The following LUZP2 variants were observed in gnomAD, a reference collection of about 807,000 sequenced individuals.
LUZP2 encodes leucine zipper protein 2.
A neutral mutation model predicts 51.6 loss-of-function variants in LUZP2; 52 were observed. That is an observed-to-expected ratio of 1.01 (90% CI 0.81 to 1.27). The LOEUF (loss-of-function observed/expected upper bound fraction) is 1.27. LUZP2 is among the 50% of genes most tolerant of loss of function. The pLI is 0.00. For missense variants in LUZP2, 436 were observed against 395.4 expected (o/e 1.10, Z -0.87); for synonymous variants, 154 against 137.3 (o/e 1.12, Z -0.85).
intron 7 of LUZP2, among the ~76,000 whole-genome samples, chr11:24,923,436 C>A (rs1350547974): frequency 3.3e-5 from 5 of 152,044 alleles, no homozygotes; most frequent in Admixed American, 2.6e-4. Flanking sequence ...GTGTCTCACG[C>A]CTGTAATCCT....
intron 9 of LUZP2, among the ~76,000 whole-genome samples, chr11:25,029,761 A>T (rs1857592415): frequency 6.7e-6 from 1 of 148,624 alleles, no homozygotes; most frequent in Non-Finnish European, 1.5e-5. Context: ...AAGTATAATT[A>T]TTTCAAGAAG....
chr11:24,558,647 T>A (rs1357790420), intron 1 of LUZP2, among the ~76,000 whole-genome samples: 1 of 152,184 alleles, frequency 6.6e-6, no homozygotes, highest in Non-Finnish European at 1.5e-5. Flanking sequence ...AGTTCAATAG[T>A]ACTAGGAGGT....
chr11:25,012,983 A>G (rs1164168119), intron 9 of LUZP2, among the ~76,000 whole-genome samples: 4 of 152,210 alleles, frequency 2.6e-5, no homozygotes, highest in African/African-American at 7.2e-5. Context: ...GTGTCCATCA[A>G]TGGATGAGTG....
chr11:24,658,947 A>G (rs1261739896), intron 1 of LUZP2, among the ~76,000 whole-genome samples: 1 of 152,214 alleles, frequency 6.6e-6, no homozygotes, highest in Non-Finnish European at 1.5e-5. Flanking sequence ...ATGTGGAGAA[A>G]TAGGAACACT....
At chr11:24,560,853 A>G (rs1509614) in intron 1 of LUZP2, among the ~76,000 whole-genome samples, 63,447 of 152,042 alleles carry the variant, frequency 0.42, 13,761 homozygotes, top group African/African-American at 0.51. Context: ...CATAGTTTGC[A>G]GATTAATTGG....
chr11:24,554,243 A>G (rs773479991), intron 1 of LUZP2, among the ~76,000 whole-genome samples: 13 of 152,152 alleles, frequency 8.5e-5, no homozygotes, highest in Non-Finnish European at 1.3e-4. Flanking sequence ...TCATTGTTCT[A>G]AGAATACATG....
chr11:24,943,197 C>T (rs559749438), intron 7 of LUZP2, among the ~76,000 whole-genome samples: 2 of 152,180 alleles, frequency 1.3e-5, no homozygotes, highest in South Asian at 2.1e-4. Context: ...CTGGGTTTGC[C>T]GCTGAATAGA....
intron 1 of LUZP2, among the ~76,000 whole-genome samples, chr11:24,529,928 A>T (rs537636902): frequency 6.6e-6 from 1 of 150,966 alleles, no homozygotes; most frequent in Admixed American, 6.6e-5. Flanking sequence ...AACAATCCCC[A>T]AAGTATTCAG....
intron 9 of LUZP2, among the ~76,000 whole-genome samples, chr11:25,014,603 C>T (rs1279462478): frequency 7.9e-5 from 12 of 152,040 alleles, no homozygotes; most frequent in Middle Eastern, 6.8e-3. Flanking sequence ...GGTTGTTTGT[C>T]TTTTTCTTGT....
chr11:24,511,267 A>G (rs1417131419), intron 1 of LUZP2, among the ~76,000 whole-genome samples: 2 of 152,098 alleles, frequency 1.3e-5, no homozygotes, highest in Non-Finnish European at 2.9e-5. Context: ...GGAAACCACA[A>G]CTTACGTGAA....
intron 1 of LUZP2, among the ~76,000 whole-genome samples, chr11:24,622,768 G>A (rs1854542386): frequency 6.6e-6 from 1 of 152,066 alleles, no homozygotes; most frequent in African/African-American, 2.4e-5. Context: ...TGAAGACGGA[G>A]TTTGGAAATA....
At chr11:24,614,637 C>A (rs538953351) in intron 1 of LUZP2, among the ~76,000 whole-genome samples, 1 of 151,930 alleles carries the variant, frequency 6.6e-6, no homozygotes, top group East Asian at 1.9e-4. Flanking sequence ...AAAATTATTC[C>A]TGATTTAGAT....
At chr11:24,573,285 G>A (rs192795172) in intron 1 of LUZP2, among the ~76,000 whole-genome samples, 1 of 152,052 alleles carries the variant, frequency 6.6e-6, no homozygotes, top group African/African-American at 2.4e-5. Flanking sequence ...TTCTTACAAG[G>A]ATTGCAAAGC....
At chr11:24,606,918 A>G (rs559533759) in intron 1 of LUZP2, among the ~76,000 whole-genome samples, 3 of 151,998 alleles carry the variant, frequency 2.0e-5, no homozygotes, top group South Asian at 2.1e-4. Flanking sequence ...AGATTTTTAT[A>G]TATCTATTGG....
At chr11:24,963,499 C>A (rs1173041075) in intron 7 of LUZP2, among the ~76,000 whole-genome samples, 1 of 152,204 alleles carries the variant, frequency 6.6e-6, no homozygotes, top group Non-Finnish European at 1.5e-5. Context: ...CCCGCTGCTG[C>A]CTTGCAGTTT....
At chr11:25,032,467 A>G (rs1371003942) in intron 9 of LUZP2, among the ~76,000 whole-genome samples, 1 of 152,124 alleles carries the variant, frequency 6.6e-6, no homozygotes, top group African/African-American at 2.4e-5. Flanking sequence ...TATTATTGAC[A>G]TGAAGATATA....
chr11:24,611,023 T>C lies in LUZP2; in HGVS notation c.62+113718T>C, dbSNP rs1314846514. On this transcript the variant is annotated intron_variant, in intron 1 of 11. Transcript: ENST00000336930. This position sits in a 1 kb window ranked among gnomAD's most constrained non-coding sequence, Gnocchi z 4.6. Reference sequence around the variant, plus strand: ...TACATGATATGTTTTAGGTCTTAAATTGTTATAATGTACCTTACATGACAT... The same window carrying C: ...TACATGATATGTTTTAGGTCTTAAACTGTTATAATGTACCTTACATGACAT... Among the ~76,000 whole-genome samples, 1 of 152,200 alleles carries C rather than the reference T, an allele frequency of 6.6e-6. No homozygotes were observed. The highest frequency in any genetic ancestry group is 1.5e-5 in the Non-Finnish European group (1 of 68,040).
chr11:24,741,861 A>C (rs1859158092), intron 4 of LUZP2, among the ~76,000 whole-genome samples: 2 of 136,794 alleles, frequency 1.5e-5, no homozygotes, highest in Non-Finnish European at 3.1e-5. Context: ...AAATATATAA[A>C]TGTATATATA....
rs1007886406 is a variant in LUZP2 at position 24,928,298 on chromosome 11, A to T, written c.522+13760A>T. ...TTCAGTAGAAATGGGGAAAGTAGAC[A>T]CCCTCGTTTTGTTCCAGTTCTCAGG... On this transcript the variant is annotated intron_variant, in intron 7 of 11. Coordinates refer to ENST00000336930, the MANE Select transcript of LUZP2 (RefSeq NM_001009909.4). Among the ~76,000 whole-genome samples the T allele has an allele frequency of 9.2e-4, 140 of 152,064 alleles. 1 individual carries two copies. The highest frequency in any genetic ancestry group is 3.8e-4 in the Non-Finnish European group (26 of 67,944).
Sources: gnomAD v4.1 joint callset for allele counts (sites outside exome capture counted in the v4.1 genomes callset) on GRCh38, gnomAD v4.1.1 for gene constraint, Gnocchi (gnomAD v3.1) non-coding constraint, MANE v1.5 for transcripts, NCBI Gene and HGNC (gene_info 2026-07-23, HGNC 2026-07-21) for gene names.